Variants in SLC24A2 observed in about 807,000 individuals in gnomAD.
The protein encoded by SLC24A2 is sodium/potassium/calcium exchanger 2.
In SLC24A2, 36 loss-of-function variants were observed where a neutral mutation model predicts 62.0. The observed-to-expected ratio is 0.58, with a 90% CI of 0.44 to 0.77. SLC24A2 has a LOEUF of 0.77. Ranked by LOEUF, SLC24A2 falls within the 30% of genes least tolerant of loss-of-function variation. The probability of loss-of-function intolerance (pLI) is 0.00; values close to 1 mark genes in which losing one functional copy is unlikely to be tolerated. For synonymous variants in SLC24A2, 358 were observed against 294.0 expected (o/e 1.22, Z -2.23); for missense variants, 846 against 817.9 (o/e 1.03, Z -0.42).
At chr9:20,118,590 T>C in the SLC24A2 span, among the ~76,000 whole-genome samples, 1 of 152,096 alleles carries the variant, frequency 6.6e-6, no homozygotes, top group Non-Finnish European at 1.5e-5. Flanking sequence ...AACAAAACCT[T>C]AGGTATTTAT....
chr9:19,586,419 T>C (rs1383141314), intron 5 of SLC24A2, among the ~76,000 whole-genome samples: 1 of 152,152 alleles, frequency 6.6e-6, no homozygotes, highest in African/African-American at 2.4e-5. Context: ...TTTTTCGCTA[T>C]ATGAAATGAT....
the SLC24A2 span, among the ~76,000 whole-genome samples, chr9:19,913,161 A>G: frequency 2.0e-5 from 3 of 152,038 alleles, no homozygotes; most frequent in African/African-American, 7.2e-5. Context: ...GAAGAATTCA[A>G]CCACTATCTA....
chr9:20,021,947 T>C, the SLC24A2 span, among the ~76,000 whole-genome samples: 1 of 152,170 alleles, frequency 6.6e-6, no homozygotes, highest in Non-Finnish European at 1.5e-5. Context: ...AGAATCACCT[T>C]ATTCTAGTGA....
intron 5 of SLC24A2, among the ~76,000 whole-genome samples, chr9:19,586,729 T>G (rs929181194): frequency 1.3e-5 from 2 of 152,188 alleles, no homozygotes; most frequent in Non-Finnish European, 2.9e-5. Context: ...TGGCCGTTTC[T>G]GACAGTGCTT....
the SLC24A2 span, among the ~76,000 whole-genome samples, chr9:19,936,151 A>G: frequency 6.6e-6 from 1 of 152,088 alleles, no homozygotes; most frequent in African/African-American, 2.4e-5. Flanking sequence ...CCAGAGGCCT[A>G]CTTAGCCTGT....
the SLC24A2 span, among the ~76,000 whole-genome samples, chr9:20,234,111 G>T: frequency 6.6e-6 from 1 of 152,174 alleles, no homozygotes; most frequent in East Asian, 1.9e-4. Flanking sequence ...TAGTCTGATG[G>T]GCTTCCCTTT....
At chr9:19,981,821 G>C in the SLC24A2 span, among the ~76,000 whole-genome samples, 2 of 152,180 alleles carry the variant, frequency 1.3e-5, no homozygotes, top group African/African-American at 4.8e-5. Flanking sequence ...TTAAGTCTCT[G>C]CTTGCATGGT....
chr9:20,165,545 A>C, the SLC24A2 span, among the ~76,000 whole-genome samples: 7 of 151,940 alleles, frequency 4.6e-5, no homozygotes, highest in South Asian at 2.1e-4. Context: ...TGACTGAGGC[A>C]AACAGAGAAA....
chr9:20,114,448 G>C, the SLC24A2 span, among the ~76,000 whole-genome samples: 3 of 152,008 alleles, frequency 2.0e-5, no homozygotes, highest in African/African-American at 7.2e-5. Context: ...AGGTGTGAAA[G>C]GACAAACTGT....
chr9:20,276,866 T>C, the SLC24A2 span, among the ~76,000 whole-genome samples: 1 of 152,332 alleles, frequency 6.6e-6, no homozygotes, highest in East Asian at 1.9e-4. Context: ...AGCTGTATGT[T>C]GGCCCCTTTT....
At chr9:19,989,877 C>A in the SLC24A2 span, among the ~76,000 whole-genome samples, 1 of 152,056 alleles carries the variant, frequency 6.6e-6, no homozygotes, top group African/African-American at 2.4e-5. Context: ...ACTATAGAAG[C>A]AGGTAATAGC....
the SLC24A2 span, among the ~76,000 whole-genome samples, chr9:20,261,961 A>AGGAG: frequency 5.3e-5 from 8 of 151,860 alleles, no homozygotes; most frequent in Non-Finnish European, 1.0e-4. Context: ...GATGGTCTTG[A>AGGAG]TCTCCTGACC....
chr9:19,636,370 T>TC, intron 2 of SLC24A2, among the ~76,000 whole-genome samples: 1 of 33,550 alleles, frequency 3.0e-5, no homozygotes, highest in African/African-American at 1.4e-4. Flanking sequence ...TTTCTTTCTT[T>TC]CTTTCTTTCT....
At chr9:19,867,496 T>G in the SLC24A2 span, among the ~76,000 whole-genome samples, 1 of 152,230 alleles carries the variant, frequency 6.6e-6, no homozygotes, top group South Asian at 2.1e-4. Flanking sequence ...CTTTTTAGTT[T>G]TTTTTCTCTT....
the SLC24A2 span, among the ~76,000 whole-genome samples, chr9:20,195,490 G>A: frequency 6.6e-6 from 1 of 152,120 alleles, no homozygotes; most frequent in African/African-American, 2.4e-5. Flanking sequence ...CTTTTGTGAA[G>A]TGTCTGTCTA....
chr9:20,253,105 T>G, the SLC24A2 span, among the ~76,000 whole-genome samples: 1 of 152,192 alleles, frequency 6.6e-6, no homozygotes, highest in South Asian at 2.1e-4. Flanking sequence ...AATTTTAGGA[T>G]AGGCTAGAGG....
chr9:19,982,331 G>A, the SLC24A2 span, among the ~76,000 whole-genome samples: 1 of 152,110 alleles, frequency 6.6e-6, no homozygotes, highest in East Asian at 1.9e-4. Context: ...GGAGGTTGGT[G>A]GGTTTCTAAA....
the SLC24A2 span, among the ~76,000 whole-genome samples, chr9:20,106,761 T>A: frequency 9.2e-5 from 14 of 152,116 alleles, no homozygotes; most frequent in Non-Finnish European, 7.3e-5. Flanking sequence ...GGACAAAAAC[T>A]GGAAGCATTC....
intron 2 of SLC24A2, among the ~76,000 whole-genome samples, chr9:19,655,405 C>G (rs1052267214): frequency 1.3e-5 from 2 of 152,212 alleles, no homozygotes; most frequent in Non-Finnish European, 2.9e-5. Context: ...ATGACTTTCA[C>G]ACCATCTTCA....
Sources: gnomAD v4.1 joint callset for allele counts (sites outside exome capture counted in the v4.1 genomes callset) on GRCh38, gnomAD v4.1.1 for gene constraint, MANE v1.5 for transcripts, NCBI Gene and HGNC (gene_info 2026-07-23, HGNC 2026-07-21) for gene names.